AKAP8L: variants seen among roughly 807,000 people sequenced by gnomAD.
AKAP8L encodes A-kinase anchoring protein 8 like.
A neutral mutation model predicts 77.5 loss-of-function variants in AKAP8L; 34 were observed. The observed-to-expected ratio is 0.44, with a 90% CI of 0.33 to 0.58. The LOEUF (loss-of-function observed/expected upper bound fraction) is 0.58, where lower values mean the gene tolerates loss of function less well. AKAP8L is among the 20% of genes least tolerant of loss of function. The pLI is 0.02. For synonymous variants in AKAP8L, 342 were observed against 340.7 expected (o/e 1.00, Z -0.04); for missense variants, 806 against 887.6 (o/e 0.91, Z 1.17).
chr19:15,385,482 C>G (rs1967515214), intron 12 of AKAP8L, among the ~76,000 whole-genome samples: 1 of 152,156 alleles, frequency 6.6e-6, no homozygotes, highest in Non-Finnish European at 1.5e-5. Context: ...CGCCCGGCAA[C>G]TGTTGCTAGA....
rs764173803 is a variant in AKAP8L at position 15,380,159 on chromosome 19, A to G, written c.1904T>C (p.Val635Ala). 3 of 1,503,574 alleles carry G rather than the reference A, an allele frequency of 2.0e-6. No individual in the cohort carries two copies. Among genetic ancestry groups the G allele is most frequent in the Non-Finnish European group, 2.6e-6 (3 of 1,135,026 alleles). 93.1% of individuals were successfully genotyped at this position (1,503,574 alleles called of 1,614,324 possible). A position where few individuals can be genotyped will look rare whatever the true frequency, so the allele number is the denominator to read the frequency against. The change falls in exon 14 of 14, where the codon GTG becomes GCG. Residue 635 changes from valine (V) to alanine (A), a missense_variant. This residue lies in a region of AKAP8L where 226 missense variants were observed against 193.5 expected (regional missense o/e 1.17). Coordinates refer to ENST00000397410, the MANE Select transcript of AKAP8L (RefSeq NM_014371.4). Reference sequence around the variant, plus strand: ...CCCGCCGCCCTCCTCGTCGTCCTCCACGTCGAGGCCCGGGATGCCGCGGAT... The same window carrying G: ...CCCGCCGCCCTCCTCGTCGTCCTCCGCGTCGAGGCCCGGGATGCCGCGGAT... Reference protein sequence around the residue: ...RQIRGIPGLDVEDDEEGGGGA... With the variant: ...RQIRGIPGLDAEDDEEGGGGA...
At chr19:15,386,131 T>C (rs949239794) in intron 12 of AKAP8L, among the ~76,000 whole-genome samples, 13 of 151,312 alleles carry the variant, frequency 8.6e-5, no homozygotes, top group African/African-American at 2.4e-4. Context: ...AGGATGGTCT[T>C]GATCTCCTGA....
intron 12 of AKAP8L, chr19:15,383,354 C>T (rs1293602347): frequency 6.6e-6 from 1 of 152,106 alleles, no homozygotes; most frequent in Admixed American, 6.6e-5. Context: ...GGACTATAGG[C>T]ACTCACCACC....
In AKAP8L at chr19:15,389,247, AAAAG is replaced by A. The variant is rs201073274; in HGVS notation, c.1536+7899_1536+7902del. 8.9e-4 allele frequency among the ~76,000 whole-genome samples: 135 copies of A among 151,886 alleles called. 1 individual carries two copies. The East Asian group carries it at 0.021, about 24-fold the overall frequency. On this transcript the variant is annotated intron_variant, in intron 12 of 13. Transcript: ENST00000397410. ...CACAAAAAAAAAAGAAAAAAAAAAA[AAAAG>A]AATTAGTGAACTTGTGTATCAAAAG... is the stretch of plus-strand genomic sequence containing the variant.
chr19:15,410,102 C>A (rs535557216), intron 2 of AKAP8L, among the ~76,000 whole-genome samples: 1 of 152,114 alleles, frequency 6.6e-6, no homozygotes, highest in Non-Finnish European at 1.5e-5. Context: ...ACCACCATGC[C>A]CGGCTAATTT....
Position 15,399,240 on chromosome 19 carries a change from T to G in AKAP8L, c.1157+62A>C, listed in dbSNP as rs556757002. On this transcript the variant is annotated intron_variant, in intron 9 of 13. Coordinates refer to ENST00000397410, the MANE Select transcript of AKAP8L (RefSeq NM_014371.4). The surrounding 1 kb of genome is among the most constrained non-coding windows in gnomAD (Gnocchi z 6.1). The stretch of plus-strand genomic sequence containing the variant: ...CGGCGAGCTGGCAGAGCTATGGCCC[T>G]GCTCTCCTGGCGGCAGCCCCACAGC... 3.4e-6 allele frequency: 5 copies of G among 1,475,472 alleles called. No individual in the cohort carries two copies. The South Asian group carries it at 5.7e-5, about 17-fold the overall frequency. The allele number at this position is 1,475,472 out of a possible 1,614,324, so 91.4% of individuals were successfully genotyped here.
Position 15,397,413 on chromosome 19 carries a change from C to A in AKAP8L, c.1405+107G>T. On this transcript the variant is annotated intron_variant, in intron 11 of 13. Coordinates refer to ENST00000397410, the MANE Select transcript of AKAP8L (RefSeq NM_014371.4). This position sits in a 1 kb window ranked among gnomAD's most constrained non-coding sequence, Gnocchi z 4.7. ...CACCTGGGCCTGAGCCAAGGCTGGT[C>A]TCCTGACCTTCCCTGGGGGAACAGA... is the stretch of plus-strand genomic sequence containing the variant. 6.7e-7 allele frequency: 1 copy of A among 1,484,742 alleles called. No homozygotes were observed. The highest frequency in any genetic ancestry group is 9.3e-7 in the Non-Finnish European group (1 of 1,080,214). 92.0% of individuals were successfully genotyped at this position (1,484,742 alleles called of 1,614,324 possible).
chr19:15,409,380 T>C (rs1019799635), intron 2 of AKAP8L, among the ~76,000 whole-genome samples: 1 of 152,162 alleles, frequency 6.6e-6, no homozygotes, highest in African/African-American at 2.4e-5. Flanking sequence ...GCAAACCAAG[T>C]TTCTCCTCAT....
chr19:15,410,625 A>C, intron 1 of AKAP8L, 31 bp from the exon 2 acceptor site: 1 of 1,540,610 alleles, frequency 6.5e-7, no homozygotes, highest in African/African-American at 1.4e-5. Context: ...GTTAATTTCC[A>C]CAAGCAAGTC....
Position 15,418,966 on chromosome 19 carries a change from C to T in AKAP8L, c.-43G>A. ...CATCCGACGACGCCGGCTTCTGCTGCTCTGAACATCCGACGCTGCGATAGC... is the reference window on the plus strand; with the variant it reads ...CATCCGACGACGCCGGCTTCTGCTGTTCTGAACATCCGACGCTGCGATAGC... On this transcript the variant is annotated 5_prime_UTR_variant, in exon 1 of 14. Coordinates refer to ENST00000397410, the MANE Select transcript of AKAP8L (RefSeq NM_014371.4). 3 of 1,603,614 alleles carry T rather than the reference C, an allele frequency of 1.9e-6. No individual in the cohort carries two copies. The highest frequency in any genetic ancestry group is 2.5e-6 in the Non-Finnish European group (3 of 1,179,242).
chr19:15,403,316 CAG>C lies in AKAP8L; in HGVS notation c.362+157_362+158del, dbSNP rs1312431047. 1 of 670,984 alleles carries C rather than the reference CAG, an allele frequency of 1.5e-6. No individual in the cohort carries two copies. Among genetic ancestry groups the C allele is most frequent in the Non-Finnish European group, 2.6e-6 (1 of 388,096 alleles). The allele number at this position is 670,984 out of a possible 1,614,324, so 41.6% of individuals were successfully genotyped here. Reference sequence around the variant, plus strand: ...AGGGTGGGTGAGAGGAGACACAAGTCAGAGACGGGAAGTGCAACGGACCCTGC... The same window carrying C: ...AGGGTGGGTGAGAGGAGACACAAGTCAGACGGGAAGTGCAACGGACCCTGC... On this transcript the variant is annotated intron_variant, in intron 4 of 13. Transcript: ENST00000397410. The surrounding 1 kb of genome is among the most constrained non-coding windows in gnomAD (Gnocchi z 4.3).
In AKAP8L at chr19:15,410,527, A is replaced by G. The variant is rs1440963789; in HGVS notation, c.81T>C (p.Cys27=). ...CCAGAAGTCCACACTTACCATAATC[A>G]CAGGTGGGCTGAGCGCTGGTATCCG... ...TYSDTSAQPT[C]DYGYGTWNSG... Residue 27 remains cysteine, a synonymous_variant, in exon 2 of 14, where the codon TGT becomes TGC. Coordinates refer to ENST00000397410, the MANE Select transcript of AKAP8L (RefSeq NM_014371.4). The G allele has an allele frequency of 6.3e-7, 1 of 1,580,466 alleles. No homozygotes were observed. The highest frequency in any genetic ancestry group is 1.8e-5 in the Admixed American group (1 of 54,706).
intron 2 of AKAP8L, among the ~76,000 whole-genome samples, chr19:15,407,545 T>C (rs1246578589): frequency 6.6e-6 from 1 of 152,332 alleles, no homozygotes; most frequent in Non-Finnish European, 1.5e-5. Context: ...ACAAGGTCAA[T>C]CTGTAAGTCA....
intron 12 of AKAP8L, among the ~76,000 whole-genome samples, chr19:15,393,817 T>A (rs1321634145): frequency 6.6e-6 from 1 of 150,846 alleles, no homozygotes; most frequent in Non-Finnish European, 1.5e-5. Flanking sequence ...CTAGGAGAAT[T>A]GCTTGGACCC....
chr19:15,384,931 C>T (rs535242740), intron 12 of AKAP8L, among the ~76,000 whole-genome samples: 30 of 151,170 alleles, frequency 2.0e-4, no homozygotes, highest in African/African-American at 6.6e-4. Flanking sequence ...AGTGCAGTGG[C>T]GCGATATCAG....
At chr19:15,417,216 T>A (rs2145156091) in intron 1 of AKAP8L, among the ~76,000 whole-genome samples, 1 of 152,298 alleles carries the variant, frequency 6.6e-6, no homozygotes. Flanking sequence ...CAACCATTCA[T>A]CTTCTGGTTT....
Position 15,397,090 on chromosome 19 carries a change from T to A in AKAP8L, c.1536+60A>T, listed in dbSNP as rs1218038760. ...TGGCAGAGGTTCCAACTGCACAACC[T>A]CCCCAGAGGCCTCACTCAATCTACC... On this transcript the variant is annotated intron_variant, in intron 12 of 13. Coordinates refer to ENST00000397410, the MANE Select transcript of AKAP8L (RefSeq NM_014371.4). This position sits in a 1 kb window ranked among gnomAD's most constrained non-coding sequence, Gnocchi z 4.7. 5 of 1,597,616 alleles carry A rather than the reference T, an allele frequency of 3.1e-6. No homozygotes were observed. In the East Asian group the frequency reaches 1.1e-4, roughly 36 times the overall value.
Position 15,399,409 on chromosome 19 carries a change from C to T in AKAP8L, c.1050G>A (p.Gly350=), listed in dbSNP as rs1265435985. 18 of 1,613,174 alleles carry T rather than the reference C, an allele frequency of 1.1e-5. No individual in the cohort carries two copies. Among genetic ancestry groups the T allele is most frequent in the Non-Finnish European group, 1.4e-5 (17 of 1,179,412 alleles). ...CATTTTCATCCTGGGTGGTTAGGGCCCCTGTGGGAGCAGATGGGCACTGTC... is the reference window on the plus strand; with the variant it reads ...CATTTTCATCCTGGGTGGTTAGGGCTCCTGTGGGAGCAGATGGGCACTGTC... ...REEGKEDPEK[G]ALTTQDENGQ... Residue 350 remains glycine, a splice_region_variant and synonymous_variant, in exon 9 of 14, where the codon GGG becomes GGA. Transcript: ENST00000397410. The surrounding 1 kb of genome is among the most constrained non-coding windows in gnomAD (Gnocchi z 6.1).
chr19:15,405,486 C>T (rs1052034565), intron 2 of AKAP8L, among the ~76,000 whole-genome samples: 14 of 151,300 alleles, frequency 9.3e-5, no homozygotes, highest in Non-Finnish European at 1.8e-4. Context: ...GGTGAGATCG[C>T]GCCACTGCAC....
Sources: allele counts gnomAD v4.1 joint callset (sites outside exome capture counted in the v4.1 genomes callset), GRCh38; gene constraint gnomAD v4.1.1; regional missense constraint gnomAD v4.1.1; non-coding constraint Gnocchi (gnomAD v3.1); transcripts MANE v1.5; gene names NCBI Gene and HGNC (gene_info 2026-07-23, HGNC 2026-07-21).